The following MAST4 variants were observed in gnomAD, a reference collection of about 807,000 sequenced individuals.
The protein encoded by MAST4 is microtubule-associated serine/threonine-protein kinase 4.
Under a neutral mutation model 162.7 loss-of-function variants are expected in MAST4, and 89 were observed. The ratio of observed to expected loss-of-function variants is 0.55; its 90% CI spans 0.46 to 0.65. The LOEUF is 0.65. Ranked by LOEUF, MAST4 falls within the 30% of genes least tolerant of loss-of-function variation. The pLI is 0.00. For missense variants in MAST4, 3,153 were observed against 3,374.0 expected (o/e 0.93, Z 1.62); for synonymous variants, 1,479 against 1,361.1 (o/e 1.09, Z -1.91).
intron 7 of MAST4, among the ~76,000 whole-genome samples, chr5:67,098,924 A>G (rs1379110112): frequency 6.6e-6 from 1 of 152,172 alleles, no homozygotes; most frequent in Non-Finnish European, 1.5e-5. Flanking sequence ...CATTCATACT[A>G]AGTAGATTAA....
intron 26 of MAST4, among the ~76,000 whole-genome samples, chr5:67,159,847 T>TCG (rs2151108921): frequency 6.6e-6 from 1 of 152,292 alleles, no homozygotes; most frequent in Admixed American, 6.5e-5. Context: ...GCATAAATGT[T>TCG]CCAGCTCTGC....
intron 1 of MAST4, among the ~76,000 whole-genome samples, chr5:66,714,233 C>T (rs1295490131): frequency 1.3e-5 from 2 of 152,124 alleles, no homozygotes; most frequent in Non-Finnish European, 2.9e-5. Context: ...CATGAGTCAC[C>T]TGAGGGTGTG....
intron 23 of MAST4, among the ~76,000 whole-genome samples, chr5:67,147,967 C>T (rs142128073): frequency 1.3e-5 from 2 of 152,312 alleles, no homozygotes; most frequent in Non-Finnish European, 2.9e-5. Flanking sequence ...TGTCCAAGTT[C>T]CCAGCTACCC....
chr5:66,677,523 G>A (rs1415580261), intron 1 of MAST4, among the ~76,000 whole-genome samples: 3 of 152,094 alleles, frequency 2.0e-5, no homozygotes, highest in East Asian at 1.9e-4. Flanking sequence ...TTTATTGGGC[G>A]CCTACTGAGT....
At chr5:67,081,037 A>AATATATAATTGT (rs1242666283) in intron 5 of MAST4, among the ~76,000 whole-genome samples, 1 of 130,242 alleles carries the variant, frequency 7.7e-6, no homozygotes, top group Non-Finnish European at 1.6e-5. Flanking sequence ...TATATAATAT[A>AATATATAATTGT]ATATATAATT....
intron 3 of MAST4, among the ~76,000 whole-genome samples, chr5:66,882,379 T>A (rs2149910492): frequency 6.6e-6 from 1 of 152,334 alleles, no homozygotes; most frequent in Non-Finnish European, 1.5e-5. Flanking sequence ...ATTAGGAAGT[T>A]TAATATTGTC....
intron 13 of MAST4, 41 bp downstream of exon 13, chr5:67,118,790 G>A (rs759245154): frequency 2.5e-5 from 31 of 1,223,040 alleles, no homozygotes; most frequent in Non-Finnish European, 3.6e-5. Context: ...TGGTTTTTCT[G>A]TTTAGCATCT....
At chr5:66,635,795 G>A (rs1276432293) in intron 1 of MAST4, among the ~76,000 whole-genome samples, 2 of 151,628 alleles carry the variant, frequency 1.3e-5, no homozygotes, top group Non-Finnish European at 2.9e-5. Context: ...CATGGAGATA[G>A]GGGAGATGTC....
chr5:66,907,049 A>G lies in MAST4; in HGVS notation c.674+7067A>G, dbSNP rs555049928. 8.5e-5 allele frequency among the ~76,000 whole-genome samples: 13 copies of G among 152,286 alleles called. No homozygotes were observed. In the South Asian group the frequency reaches 1.2e-3, roughly 15 times the overall value. ...GGAGAACTTTTTCCTTAGTTCAACT[A>G]AAACTCGGCTTTTATCACACGACCA... On this transcript the variant is annotated intron_variant, in intron 4 of 28. Transcript: ENST00000403625.
intron 1 of MAST4, among the ~76,000 whole-genome samples, chr5:66,696,625 C>T (rs1487941591): frequency 3.3e-5 from 5 of 152,142 alleles, no homozygotes; most frequent in African/African-American, 4.8e-5. Flanking sequence ...TGCACACATG[C>T]ATTCATGGTC....
chr5:66,894,846 C>G (rs1362511650), intron 3 of MAST4, among the ~76,000 whole-genome samples: 1 of 140,494 alleles, frequency 7.1e-6, no homozygotes, highest in Non-Finnish European at 1.6e-5. Context: ...CTTGGCCCTA[C>G]CTCCCACTAT....
intron 5 of MAST4, among the ~76,000 whole-genome samples, chr5:67,064,170 A>C (rs1255388506): frequency 6.6e-6 from 1 of 152,130 alleles, no homozygotes; most frequent in African/African-American, 2.4e-5. Flanking sequence ...GAGTGAGAAG[A>C]AGCCAAAGCC....
chr5:67,129,712 A>G (rs1768705788), intron 14 of MAST4, among the ~76,000 whole-genome samples: 1 of 145,470 alleles, frequency 6.9e-6, no homozygotes, highest in South Asian at 2.3e-4. Context: ...CGACAGAGCA[A>G]GACTCCATCT....
chr5:67,087,944 C>G (rs921373201), intron 5 of MAST4, among the ~76,000 whole-genome samples: 2 of 152,112 alleles, frequency 1.3e-5, no homozygotes, highest in Admixed American at 6.5e-5. Context: ...AGAAAGGCAG[C>G]CTAAGATGCG....
chr5:66,963,570 T>A (rs1746284338), intron 4 of MAST4: 1 of 608,470 alleles, frequency 1.6e-6, no homozygotes, highest in South Asian at 2.2e-5. Flanking sequence ...GGGCAAGTGA[T>A]TAGATGATTA....
At chr5:66,882,308 T>C (rs1481481684) in intron 3 of MAST4, among the ~76,000 whole-genome samples, 1 of 152,072 alleles carries the variant, frequency 6.6e-6, no homozygotes, top group Non-Finnish European at 1.5e-5. Flanking sequence ...TTGGACATTA[T>C]CTACTTAAAT....
chr5:66,715,386 T>G (rs1197347835), intron 1 of MAST4, among the ~76,000 whole-genome samples: 1 of 152,152 alleles, frequency 6.6e-6, no homozygotes, highest in Non-Finnish European at 1.5e-5. Context: ...GATGATTTTT[T>G]TGGCATAAAT....
intron 3 of MAST4, among the ~76,000 whole-genome samples, chr5:66,882,597 A>G (rs1455374312): frequency 6.6e-6 from 1 of 151,984 alleles, no homozygotes; most frequent in Non-Finnish European, 1.5e-5. Flanking sequence ...TTTTGTTTTT[A>G]TAATACAATC....
chr5:67,071,683 A>G (rs1468842629), intron 5 of MAST4, among the ~76,000 whole-genome samples: 2 of 152,154 alleles, frequency 1.3e-5, no homozygotes, highest in African/African-American at 4.8e-5. Flanking sequence ...TTGCTTGAAC[A>G]CGGGAGGCGA....
Sources: allele counts gnomAD v4.1 joint callset (sites outside exome capture counted in the v4.1 genomes callset), GRCh38; gene constraint gnomAD v4.1.1; transcripts MANE v1.5; gene names NCBI Gene and HGNC (gene_info 2026-07-23, HGNC 2026-07-21).